TRAM2: variants seen among roughly 807,000 people sequenced by gnomAD.
TRAM2 encodes the protein translocation associated membrane protein 2, also known as translocating chain-associated membrane protein 2.
In TRAM2, 12 loss-of-function variants were observed where a neutral mutation model predicts 51.0. The ratio of observed to expected loss-of-function variants is 0.24; its 90% CI spans 0.15 to 0.38. The LOEUF (loss-of-function observed/expected upper bound fraction) is 0.38. Ranked by LOEUF, TRAM2 falls within the 10% of genes least tolerant of loss-of-function variation. TRAM2 has a pLI of 1.00. For synonymous variants in TRAM2, 175 were observed against 179.4 expected (o/e 0.98, Z 0.20); for missense variants, 361 against 462.0 (o/e 0.78, Z 2.00).
intron 4 of TRAM2, among the ~76,000 whole-genome samples, chr6:52,510,987 A>C (rs1766441617): frequency 6.6e-6 from 1 of 152,226 alleles, no homozygotes; most frequent in Non-Finnish European, 1.5e-5. Flanking sequence ...CTCTCTTCTG[A>C]AGAAAGGGCT....
At chr6:52,536,917 C>G (rs560775514) in intron 1 of TRAM2, among the ~76,000 whole-genome samples, 3 of 152,254 alleles carry the variant, frequency 2.0e-5, no homozygotes, top group African/African-American at 7.2e-5. Context: ...TTGAAGGATG[C>G]ACATGTGAGG....
chr6:52,506,563 C>G (rs1470091744), intron 7 of TRAM2, among the ~76,000 whole-genome samples: 1 of 152,222 alleles, frequency 6.6e-6, no homozygotes, highest in African/African-American at 2.4e-5. Context: ...GAGGTACATG[C>G]AGAAGCAGCA....
intron 4 of TRAM2, among the ~76,000 whole-genome samples, chr6:52,513,039 G>GT (rs1485449519): frequency 3.3e-5 from 5 of 151,912 alleles, no homozygotes; most frequent in Non-Finnish European, 7.4e-5. Flanking sequence ...CCAGTGGAGT[G>GT]TTTTTTTTCT....
intron 1 of TRAM2, among the ~76,000 whole-genome samples, chr6:52,570,594 TAA>T (rs1767659831): frequency 6.6e-6 from 1 of 152,020 alleles, no homozygotes; most frequent in Non-Finnish European, 1.5e-5. Context: ...GCAACCCCCA[TAA>T]ACCATCCCGA....
intron 1 of TRAM2, among the ~76,000 whole-genome samples, chr6:52,575,677 C>G (rs945504613): frequency 2.0e-5 from 3 of 152,128 alleles, no homozygotes; most frequent in Non-Finnish European, 4.4e-5. Context: ...AAGCCATCCT[C>G]CATCTCCAAG....
chr6:52,546,487 G>C lies in TRAM2; in HGVS notation c.121-10641C>G, dbSNP rs906804551. On this transcript the variant is annotated intron_variant, in intron 1 of 10. Coordinates refer to ENST00000182527, the MANE Select transcript of TRAM2 (RefSeq NM_012288.4). ...ACAGAGACTTAGGTTACTGCAAGAAGAGATCATCCAGGCCTGGACTTAGGT... is the reference window on the plus strand; with the variant it reads ...ACAGAGACTTAGGTTACTGCAAGAACAGATCATCCAGGCCTGGACTTAGGT... Among the ~76,000 whole-genome samples the C allele has an allele frequency of 5.3e-5, 8 of 152,304 alleles. No individual in the cohort carries two copies. In the South Asian group the frequency reaches 1.5e-3, roughly 28 times the overall value.
chr6:52,508,661 GAGACAACAAAC>G (rs1766393620), intron 5 of TRAM2, among the ~76,000 whole-genome samples: 1 of 152,232 alleles, frequency 6.6e-6, no homozygotes, highest in South Asian at 2.1e-4. Flanking sequence ...CAGATACACT[GAGACAACAAAC>G]AGCTCTAAGT....
chr6:52,502,644 T>A lies in TRAM2; in HGVS notation c.*553A>T, dbSNP rs114133105. The A allele has an allele frequency of 5.8e-3, 887 of 153,456 alleles. 9 individuals are homozygous for A. The highest frequency in any genetic ancestry group is 0.02 in the African/African-American group (849 of 41,498). The allele number at this position is 153,456 out of a possible 1,614,324, so 9.5% of individuals were successfully genotyped here. On this transcript the variant is annotated 3_prime_UTR_variant, in exon 11 of 11. Coordinates refer to ENST00000182527, the MANE Select transcript of TRAM2 (RefSeq NM_012288.4). ...TGCAGAACTGGAATCATATATCTCG[T>A]CAGTTAATCAGCACCAAGGAGATTA...
At chr6:52,552,954 A>G (rs1767335387) in intron 1 of TRAM2, among the ~76,000 whole-genome samples, 2 of 152,092 alleles carry the variant, frequency 1.3e-5, no homozygotes, top group African/African-American at 2.4e-5. Flanking sequence ...TCTACTCCCA[A>G]TGCTGCTAAG....
chr6:52,577,048 G>T lies in TRAM2; in HGVS notation c.-133C>A. On this transcript the variant is annotated 5_prime_UTR_variant, in exon 1 of 11. Coordinates refer to ENST00000182527, the MANE Select transcript of TRAM2 (RefSeq NM_012288.4). ...TCCCACAGCCGCTCGCCCGCCCAGC[G>T]CGGAACAACTTCGGGGCCCGCCCCC... 1.9e-6 allele frequency: 2 copies of T among 1,058,704 alleles called. No homozygotes were observed. The highest frequency in any genetic ancestry group is 2.4e-6 in the Non-Finnish European group (2 of 846,970). 65.6% of individuals were successfully genotyped at this position (1,058,704 alleles called of 1,614,324 possible).
intron 3 of TRAM2, chr6:52,516,354 A>G: frequency 1.7e-6 from 1 of 592,450 alleles, no homozygotes; most frequent in Non-Finnish European, 3.0e-6. Flanking sequence ...TAAAGAAAAT[A>G]ACCCCAATTA....
rs1217161590 is a variant in TRAM2, at chr6:52,509,533, G to A, written c.465C>T (p.His155=). ...TGAGTCAACAGAATACTCACGGGAG[G>A]TGCACATGCGGGTAGTCTTCCCAGA... is the stretch of plus-strand genomic sequence containing the variant. ...RSLWEDYPHV[H]LPFQVKFFYL... The change falls in exon 5 of 11, where the codon CAC becomes CAT. Residue 155 remains histidine (H), a synonymous_variant. Coordinates refer to ENST00000182527, the MANE Select transcript of TRAM2 (RefSeq NM_012288.4). 4 of 1,613,952 alleles carry A rather than the reference G, an allele frequency of 2.5e-6. No homozygotes were observed. In the African/African-American group the frequency reaches 5.3e-5, roughly 22 times the overall value.
intron 4 of TRAM2, among the ~76,000 whole-genome samples, chr6:52,510,161 C>A (rs1030158543): frequency 5.9e-5 from 9 of 152,214 alleles, no homozygotes; most frequent in Non-Finnish European, 1.2e-4. Context: ...GACTCTGACA[C>A]CTACCACACT....
At chr6:52,544,441 T>C (rs899283817) in intron 1 of TRAM2, among the ~76,000 whole-genome samples, 8 of 152,194 alleles carry the variant, frequency 5.3e-5, no homozygotes, top group African/African-American at 1.7e-4. Flanking sequence ...CCAGTAGCTT[T>C]AGAAGTCAAG....
In TRAM2 at chr6:52,542,499, G is replaced by A. The variant is rs151144594; in HGVS notation, c.121-6653C>T. On this transcript the variant is annotated intron_variant, in intron 1 of 10. Coordinates refer to ENST00000182527, the MANE Select transcript of TRAM2 (RefSeq NM_012288.4). ...CAGAGGCTGTCTGTGAGGGCTGAGCGCCTGAATCACAGGGGGCAGAGTTAT... is the reference window on the plus strand; with the variant it reads ...CAGAGGCTGTCTGTGAGGGCTGAGCACCTGAATCACAGGGGGCAGAGTTAT... Among the ~76,000 whole-genome samples, 10 of 152,232 alleles carry A rather than the reference G, an allele frequency of 6.6e-5. No individual in the cohort carries two copies. The East Asian group carries it at 1.5e-3, about 24-fold the overall frequency.
At chr6:52,533,814 G>A (rs771377808) in intron 2 of TRAM2, among the ~76,000 whole-genome samples, 7 of 152,252 alleles carry the variant, frequency 4.6e-5, no homozygotes, top group East Asian at 1.9e-4. Flanking sequence ...GGAAAAGGCC[G>A]GGTGCAGTGG....
At chr6:52,515,249 T>C (rs1017050914) in intron 4 of TRAM2, among the ~76,000 whole-genome samples, 2 of 152,168 alleles carry the variant, frequency 1.3e-5, no homozygotes, top group African/African-American at 2.4e-5. Flanking sequence ...AAGGTAGAGC[T>C]CCAGGTGGTG....
At chr6:52,529,575 G>A (rs891644881) in intron 2 of TRAM2, 52 of 152,254 alleles carry the variant, frequency 3.4e-4, no homozygotes, top group African/African-American at 1.1e-3. Context: ...GTTGGTCTAC[G>A]GAAAATCTGA....
intron 3 of TRAM2, 123 bp downstream of exon 3, chr6:52,516,505 C>A (rs1766551915): frequency 1.2e-6 from 1 of 806,268 alleles, no homozygotes; most frequent in Admixed American, 2.1e-5. Flanking sequence ...GGCAATAGAC[C>A]CAACCAGTGC....
Sources: gnomAD v4.1 joint callset for allele counts (sites outside exome capture counted in the v4.1 genomes callset) on GRCh38, gnomAD v4.1.1 for gene constraint, MANE v1.5 for transcripts, NCBI Gene and HGNC (gene_info 2026-07-23, HGNC 2026-07-21) for gene names.